NOP2: variants seen among roughly 807,000 people sequenced by gnomAD.
NOP2 encodes 28S rRNA (cytosine(4447)-C(5))-methyltransferase.
A neutral mutation model predicts 72.7 loss-of-function variants in NOP2; 7 were observed. The observed-to-expected ratio is 0.10, with a 90% CI of 0.05 to 0.18. The LOEUF is 0.18. NOP2 is among the 10% of genes least tolerant of loss of function. NOP2 has a pLI of 1.00. For synonymous variants in NOP2, 387 were observed against 388.0 expected, an observed-to-expected ratio of 1.00 and a Z score of 0.03; for missense variants, 954 against 1,014.7, an observed-to-expected ratio of 0.94 and a Z score of 0.81.
At position 6,560,815 on chromosome 12, in the gene NOP2, T is replaced by A; in HGVS notation, c.1348-28A>T. The A allele has an allele frequency of 2.5e-6, 4 of 1,609,884 alleles. No homozygotes were observed. Among genetic ancestry groups the A allele is most frequent in the Non-Finnish European group, 3.4e-6 (4 of 1,177,904 alleles). On this transcript the variant is annotated intron_variant, in intron 12 of 15. Coordinates refer to ENST00000322166, the MANE Select transcript of NOP2 (RefSeq NM_001258308.2). The surrounding 1 kb of genome is among the most constrained non-coding windows in gnomAD (Gnocchi z 5.0). ...GGAGAAAAGATACAGATGAATCATATGTCTCTTCTGCAACCAGCAGGGCAA... is the reference window on the plus strand; with the variant it reads ...GGAGAAAAGATACAGATGAATCATAAGTCTCTTCTGCAACCAGCAGGGCAA...
chr12:6,564,402 A>G (rs939079215), intron 5 of NOP2: 10 of 181,258 alleles, frequency 5.5e-5, no homozygotes, highest in African/African-American at 1.7e-4. Flanking sequence ...ATGTATAAAG[A>G]AGGACAAAAA....
rs895058318 is a variant in NOP2, at chr12:6,563,687, C to T, written c.615G>A (p.Glu205=). ...CATTGATCTGCAGGCCCCCATCTGC[C>T]TCTTCCACCTTTGGGGGGCCTGACT... ...TPESGPPKVE[E]ADGGLQINVD... is the part of the protein sequence containing the mutation. Residue 205 remains glutamate (E), a synonymous_variant, in exon 7 of 16, where the codon GAG becomes GAA. Transcript: ENST00000322166. 1.2e-6 allele frequency: 2 copies of T among 1,613,648 alleles called. No homozygotes were observed. The highest frequency in any genetic ancestry group is 1.7e-6 in the Non-Finnish European group (2 of 1,179,788).
rs1016766431 is a variant in NOP2, at chr12:6,556,939, A to T, written c.*54T>A. 11 of 1,599,314 alleles carry T rather than the reference A, an allele frequency of 6.9e-6. No individual in the cohort carries two copies. The African/African-American group carries it at 1.4e-4, about 20-fold the overall frequency. ...TAGAGAAGGCATCCTCACAGAGGCA[A>T]GAGTTCCAACCTGGTGACAATGGCA... On this transcript the variant is annotated 3_prime_UTR_variant, in exon 16 of 16. Transcript: ENST00000322166.
At chr12:6,561,161 T>G in intron 11 of NOP2, 91 bp from the exon 12 acceptor site, 1 of 1,517,830 alleles carries the variant, frequency 6.6e-7, no homozygotes, top group Non-Finnish European at 8.9e-7. Context: ...ACATGAGAAG[T>G]GTCATCACCT....
Position 6,560,792 on chromosome 12 carries a change from A to G in NOP2, c.1348-5T>C. ...TCGGTCAAAGCCCCCCACCACCTGG[A>G]GAAAAGATACAGATGAATCATATGT... On this transcript the variant is annotated splice_polypyrimidine_tract_variant and splice_region_variant and intron_variant, in intron 12 of 15. Coordinates refer to ENST00000322166, the MANE Select transcript of NOP2 (RefSeq NM_001258308.2). The surrounding 1 kb of genome is among the most constrained non-coding windows in gnomAD (Gnocchi z 5.0). 1 of 1,612,402 alleles carries G rather than the reference A, an allele frequency of 6.2e-7. No homozygotes were observed. Among genetic ancestry groups the G allele is most frequent in the South Asian group, 1.1e-5 (1 of 90,716 alleles).
rs1335727922 is a variant in NOP2, at chr12:6,560,112, G to A, written c.1775C>T (p.Pro592Leu). The change falls in exon 15 of 16, where the codon CCT becomes CTT. Residue 592 changes from proline (P) to leucine (L), a missense_variant. By Grantham distance (98) the Pro-to-Leu change is moderately conservative. Coordinates refer to ENST00000322166, the MANE Select transcript of NOP2 (RefSeq NM_001258308.2). The surrounding 1 kb of genome is among the most constrained non-coding windows in gnomAD (Gnocchi z 5.0). Reference protein sequence around the residue: ...AKFKKFSNSIPQSQTGNSETA... With the variant: ...AKFKKFSNSILQSQTGNSETA... Reference sequence around the variant, plus strand: ...AGATTACTTACCTGTCTGGGACTGAGGGATAGAATTGGAAAATTTCTTGAA... The same window carrying A: ...AGATTACTTACCTGTCTGGGACTGAAGGATAGAATTGGAAAATTTCTTGAA... 1.2e-6 allele frequency: 2 copies of A among 1,612,842 alleles called. No homozygotes were observed. The highest frequency in any genetic ancestry group is 1.1e-5 in the South Asian group (1 of 91,066).
intron 1 of NOP2, 121 bp downstream of exon 1, chr12:6,568,086 T>A: frequency 1.6e-6 from 1 of 607,120 alleles, no homozygotes; most frequent in African/African-American, 1.9e-5. Context: ...ACCCCCGCTA[T>A]CCCCCTGGAG....
At position 6,560,054 on chromosome 12, in the gene NOP2, G is replaced by C; in HGVS notation, c.1789+44C>G. ...ACACCATAAAGCCTCCTGAAAGGTG[G>C]AAAGAGCAAAGGTGGTGACGAAGGG... On this transcript the variant is annotated intron_variant, in intron 15 of 15. Coordinates refer to ENST00000322166, the MANE Select transcript of NOP2 (RefSeq NM_001258308.2). The surrounding 1 kb of genome is among the most constrained non-coding windows in gnomAD (Gnocchi z 5.0). The C allele has an allele frequency of 6.9e-7, 1 of 1,441,520 alleles. No homozygotes were observed. Among genetic ancestry groups the C allele is most frequent in the Non-Finnish European group, 9.8e-7 (1 of 1,025,168 alleles). The allele number at this position is 1,441,520 out of a possible 1,614,324, so 89.3% of individuals were successfully genotyped here.
In NOP2 at chr12:6,560,399, G is replaced by A; in HGVS notation, c.1560+48C>T. The A allele has an allele frequency of 6.3e-7, 1 of 1,597,854 alleles. No individual in the cohort carries two copies. The highest frequency in any genetic ancestry group is 8.5e-7 in the Non-Finnish European group (1 of 1,169,748). ...GCTGAAGGGAGCTCTAAGGGGCAAA[G>A]AGCCCCCCAGCCCAGCCTCCCCTGC... is the stretch of plus-strand genomic sequence containing the variant. On this transcript the variant is annotated intron_variant, in intron 14 of 15. Coordinates refer to ENST00000322166, the MANE Select transcript of NOP2 (RefSeq NM_001258308.2). The surrounding 1 kb of genome is among the most constrained non-coding windows in gnomAD (Gnocchi z 5.0).
chr12:6,560,626 G>A lies in NOP2; in HGVS notation c.1438-57C>T. 1.2e-6 allele frequency: 2 copies of A among 1,608,264 alleles called. No homozygotes were observed. The highest frequency in any genetic ancestry group is 1.7e-4 in the Middle Eastern group (1 of 6,036). ...AGGAGGAGAGGGGAGCCCAGAGGGT[G>A]TCCCCATCTCAGTTTCCAGCTCTAC... On this transcript the variant is annotated intron_variant, in intron 13 of 15. Coordinates refer to ENST00000322166, the MANE Select transcript of NOP2 (RefSeq NM_001258308.2). This position sits in a 1 kb window ranked among gnomAD's most constrained non-coding sequence, Gnocchi z 5.0.
intron 7 of NOP2, 44 bp downstream of exon 7, chr12:6,563,570 C>T (rs1947703335): frequency 6.2e-7 from 1 of 1,608,314 alleles, no homozygotes; most frequent in African/African-American, 1.3e-5. Flanking sequence ...ATCCCTCTCC[C>T]AACCACCTTC....
chr12:6,563,761 T>C lies in NOP2; in HGVS notation c.541A>G (p.Ser181Gly). 1 of 1,612,912 alleles carries C rather than the reference T, an allele frequency of 6.2e-7. No homozygotes were observed. The highest frequency in any genetic ancestry group is 8.5e-7 in the Non-Finnish European group (1 of 1,179,372). ...AREAAAGIQW[S>G]EEETEDEEEE... is the part of the protein sequence containing the mutation. ...TCCTCGTCCTCGGTCTCCTCTTCAC[T>C]CCACTGGATCCTAGAAACAGGTCCA... The change falls in exon 7 of 16, where the codon AGT becomes GGT. Residue 181 changes from serine (S) to glycine (G), a missense_variant. Around this residue, in one of 3 missense-constraint regions of NOP2, gnomAD observed 498 missense variants for 478.3 expected, o/e 1.04. Transcript: ENST00000322166.
Position 6,557,603 on chromosome 12 carries a change from G to A in NOP2, c.1829C>T (p.Pro610Leu), listed in dbSNP as rs769492644. ...ETATPTNVDL[P>L]QVIPKSENSS... is the part of the protein sequence containing the mutation. ...GTTCTCAGACTTGGGGATGACCTGA[G>A]GCAAGTCTACATTTGTAGGTGTGGC... Residue 610 changes from proline to leucine, a missense_variant, in exon 16 of 16, where the codon CCT (proline) becomes CTT (leucine). Physicochemically the swap from Pro to Leu is moderately conservative, Grantham distance 98. This residue lies in a region of NOP2 where 269 missense variants were observed against 260.2 expected (regional missense o/e 1.03). Coordinates refer to ENST00000322166, the MANE Select transcript of NOP2 (RefSeq NM_001258308.2). 1.2e-6 allele frequency: 2 copies of A among 1,613,524 alleles called. No homozygotes were observed.
intron 1 of NOP2, 112 bp downstream of exon 1, chr12:6,568,095 A>G: frequency 1.7e-6 from 1 of 599,966 alleles, no homozygotes; most frequent in South Asian, 2.0e-5. Flanking sequence ...ATCCCCCTGG[A>G]GGCCCGACCG....
At chr12:6,557,954 C>G (rs928872515) in intron 15 of NOP2, 19 of 376,308 alleles carry the variant, frequency 5.0e-5, no homozygotes, top group Middle Eastern at 8.9e-4. Context: ...ACCAGCCTAG[C>G]CCACATGGTG....
intron 5 of NOP2, chr12:6,564,431 C>T (rs12309105): frequency 6.0e-6 from 1 of 166,084 alleles, no homozygotes; most frequent in African/African-American, 2.4e-5. Context: ...GACTACCATT[C>T]TGCCATATTT....
At chr12:6,566,725 A>G (rs1947788420) in intron 3 of NOP2, 52 bp downstream of exon 3, 1 of 1,598,722 alleles carries the variant, frequency 6.3e-7, no homozygotes, top group African/African-American at 1.3e-5. Context: ...CTCTGTGGTC[A>G]AAGATGAGCA....
chr12:6,566,792 C>G lies in NOP2; in HGVS notation c.134G>C (p.Ser45Thr). The change falls in exon 3 of 16, where the codon AGT (serine) becomes ACT (threonine). Residue 45 changes from serine to threonine, a missense_variant. By Grantham distance (58) the Ser-to-Thr change is moderately conservative (BLOSUM62 1). Transcript: ENST00000322166. ...CCACACTTACCTCTTTCGAGCACGA[C>G]TAGACAGCCTCTTGGAATTTTCGTC... ...VSDENSKRLS[S>T]RARKRAAKRR... The G allele has an allele frequency of 6.2e-7, 1 of 1,613,280 alleles. No homozygotes were observed. The highest frequency in any genetic ancestry group is 8.5e-7 in the Non-Finnish European group (1 of 1,179,568).
chr12:6,560,092 A>G lies in NOP2; in HGVS notation c.1789+6T>C, dbSNP rs775997260. 2 of 1,596,410 alleles carry G rather than the reference A, an allele frequency of 1.3e-6. No homozygotes were observed. Among genetic ancestry groups the G allele is most frequent in the South Asian group, 2.2e-5 (2 of 90,704 alleles). ...TGGTGACGAAGGGAAGAAAAAGATT[A>G]CTTACCTGTCTGGGACTGAGGGATA... On this transcript the variant is annotated splice_donor_region_variant and intron_variant, in intron 15 of 15. Transcript: ENST00000322166. The surrounding 1 kb of genome is among the most constrained non-coding windows in gnomAD (Gnocchi z 5.0).
Sources: allele counts gnomAD v4.1 joint callset, GRCh38; gene constraint gnomAD v4.1.1; regional missense constraint gnomAD v4.1.1; non-coding constraint Gnocchi (gnomAD v3.1); transcripts MANE v1.5; gene names NCBI Gene and HGNC (gene_info 2026-07-23, HGNC 2026-07-21).